Variants in SOX5 observed in about 807,000 individuals in gnomAD.
SOX5 encodes the protein transcription factor SOX-5.
A neutral mutation model predicts 92.0 loss-of-function variants in SOX5; 9 were observed. That is an observed-to-expected ratio of 0.10 (90% CI 0.06 to 0.17). The LOEUF (loss-of-function observed/expected upper bound fraction) is 0.17. SOX5 is among the 10% of genes least tolerant of loss of function. The probability of loss-of-function intolerance (pLI) is 1.00; values close to 1 mark genes in which losing one functional copy is unlikely to be tolerated. For synonymous variants in SOX5, 344 were observed against 336.3 expected (o/e 1.02, Z -0.25); for missense variants, 642 against 944.5 (o/e 0.68, Z 4.20).
intron 3 of SOX5, among the ~76,000 whole-genome samples, chr12:23,804,853 C>T (rs2095730924): frequency 7.0e-6 from 1 of 143,426 alleles, no homozygotes; most frequent in African/African-American, 2.6e-5. Context: ...ATATCTGTAC[C>T]TTTCTTATGG....
At chr12:23,540,256 A>C (rs1399264610) in intron 13 of SOX5, among the ~76,000 whole-genome samples, 1 of 151,736 alleles carries the variant, frequency 6.6e-6, no homozygotes, top group Non-Finnish European at 1.5e-5. Context: ...TAGGAGATAT[A>C]CCTAACGCTA....
intron 1 of SOX5, among the ~76,000 whole-genome samples, chr12:24,466,501 G>A (rs1271644692): frequency 6.6e-6 from 1 of 152,090 alleles, no homozygotes; most frequent in Non-Finnish European, 1.5e-5. Flanking sequence ...ATGGATATTG[G>A]CACAGACACA....
intron 4 of SOX5, among the ~76,000 whole-genome samples, chr12:24,097,161 C>T (rs1259263855): frequency 3.3e-5 from 5 of 152,016 alleles, no homozygotes; most frequent in Admixed American, 1.3e-4. Flanking sequence ...TTTATAGGTA[C>T]GTGGTGGCTA....
chr12:24,104,610 A>C (rs558302249), intron 4 of SOX5, among the ~76,000 whole-genome samples: 12 of 152,350 alleles, frequency 7.9e-5, no homozygotes, highest in Admixed American at 4.6e-4. Flanking sequence ...TGATTAACTC[A>C]AAGTTCATGA....
At chr12:24,334,245 T>C (rs1285859598) in intron 2 of SOX5, among the ~76,000 whole-genome samples, 7 of 152,122 alleles carry the variant, frequency 4.6e-5, no homozygotes, top group African/African-American at 1.7e-4. Context: ...TAATATAGAT[T>C]TTAGTGTAAA....
chr12:23,976,521 T>C (rs1292573715), intron 4 of SOX5, among the ~76,000 whole-genome samples: 1 of 152,028 alleles, frequency 6.6e-6, no homozygotes, highest in Non-Finnish European at 1.5e-5. Flanking sequence ...TAATTTTAGT[T>C]ATTTTACTAA....
At chr12:23,641,200 GCA>G (rs150654083) in intron 7 of SOX5, among the ~76,000 whole-genome samples, 4,225 of 151,080 alleles carry the variant, frequency 0.028, 91 homozygotes, top group African/African-American at 0.052. Flanking sequence ...ACACGCGCGT[GCA>G]CACACACACA....
At chr12:23,879,898 A>G in intron 2 of SOX5, among the ~76,000 whole-genome samples, 1 of 152,160 alleles carries the variant, frequency 6.6e-6, no homozygotes, top group East Asian at 1.9e-4. Context: ...AGTGGTCAAG[A>G]GCAGTAGGTG....
chr12:24,522,091 AT>A (rs1456703977), intron 1 of SOX5, among the ~76,000 whole-genome samples: 5 of 152,048 alleles, frequency 3.3e-5, no homozygotes, highest in Admixed American at 3.3e-4. Context: ...AGGAAGAGAC[AT>A]TACAATGAAT....
chr12:23,546,256 T>C (rs1943115159), intron 12 of SOX5, 60 bp downstream of exon 12: 2 of 952,012 alleles, frequency 2.1e-6, no homozygotes, highest in Non-Finnish European at 3.3e-6. Flanking sequence ...GCAGTTTTAA[T>C]TGGCACTACC....
chr12:24,213,764 AATT>A (rs1254099776), intron 3 of SOX5, among the ~76,000 whole-genome samples: 3 of 152,028 alleles, frequency 2.0e-5, no homozygotes, highest in African/African-American at 7.2e-5. Flanking sequence ...AATATGAACT[AATT>A]ATTTTGGAGC....
chr12:24,207,353 C>T (rs11047314), intron 4 of SOX5, among the ~76,000 whole-genome samples: 2,100 of 152,014 alleles, frequency 0.014, 48 homozygotes, highest in African/African-American at 0.048. Flanking sequence ...AGAACAATAT[C>T]GCCACGTTCA....
intron 9 of SOX5, among the ~76,000 whole-genome samples, chr12:23,595,947 A>G (rs1762981505): frequency 6.6e-6 from 1 of 152,182 alleles, no homozygotes; most frequent in African/African-American, 2.4e-5. Context: ...AAAAAGACTT[A>G]TTCTGAATAA....
chr12:24,478,321 C>G (rs935261072), intron 1 of SOX5, among the ~76,000 whole-genome samples: 6 of 152,180 alleles, frequency 3.9e-5, no homozygotes, highest in Non-Finnish European at 8.8e-5. Context: ...ACACCTACAT[C>G]TTTCTGTTTG....
At chr12:23,556,679 A>C (rs1487849483) in intron 11 of SOX5, among the ~76,000 whole-genome samples, 5 of 152,216 alleles carry the variant, frequency 3.3e-5, no homozygotes, top group Non-Finnish European at 5.9e-5. Flanking sequence ...AATTCACTTT[A>C]GCTAAAGGCA....
intron 1 of SOX5, among the ~76,000 whole-genome samples, chr12:24,373,888 G>A (rs1238139151): frequency 6.6e-6 from 1 of 152,142 alleles, no homozygotes; most frequent in Non-Finnish European, 1.5e-5. Flanking sequence ...AGAGGAGGTT[G>A]GCCACCCTCT....
At chr12:24,451,199 T>G (rs1219509095) in intron 1 of SOX5, among the ~76,000 whole-genome samples, 2 of 152,232 alleles carry the variant, frequency 1.3e-5, no homozygotes, top group East Asian at 3.8e-4. Flanking sequence ...CATATGTTGA[T>G]GGACATTTAG....
intron 6 of SOX5, among the ~76,000 whole-genome samples, chr12:23,672,399 T>G (rs903799115): frequency 6.6e-6 from 1 of 152,138 alleles, no homozygotes; most frequent in African/African-American, 2.4e-5. Context: ...AAACTGCCTG[T>G]CACATTTTCT....
chr12:23,667,622 G>T (rs917164300), intron 6 of SOX5, among the ~76,000 whole-genome samples: 2 of 152,042 alleles, frequency 1.3e-5, no homozygotes, highest in Non-Finnish European at 2.9e-5. Flanking sequence ...CCCATATTTA[G>T]CTAAAACCAA....
Sources: gnomAD v4.1 joint callset for allele counts (sites outside exome capture counted in the v4.1 genomes callset) on GRCh38, gnomAD v4.1.1 for gene constraint, MANE v1.5 for transcripts, NCBI Gene and HGNC (gene_info 2026-07-23, HGNC 2026-07-21) for gene names.